CNBD1: variants seen among roughly 807,000 people sequenced by gnomAD.
CNBD1 encodes the protein cyclic nucleotide-binding domain-containing protein 1.
CNBD1 carries 71 observed loss-of-function variants against 54.4 expected under a neutral mutation model. The observed-to-expected ratio is 1.30, with a 90% CI of 1.08 to 1.59. CNBD1 has a LOEUF of 1.59. Among genes scored for constraint, CNBD1 ranks in the 40% most tolerant of loss-of-function variants. CNBD1 has a pLI of 0.00. For synonymous variants in CNBD1, 182 were observed against 170.7 expected, an observed-to-expected ratio of 1.07 and a Z score of -0.51; for missense variants, 659 against 518.0, an observed-to-expected ratio of 1.27 and a Z score of -2.64.
At chr8:87,077,170 A>G (rs536573347) in intron 4 of CNBD1, among the ~76,000 whole-genome samples, 53 of 152,300 alleles carry the variant, frequency 3.5e-4, no homozygotes, top group African/African-American at 1.2e-3. Context: ...GATCTTTTCA[A>G]TGTTGGAACT....
chr8:87,390,133 A>G (rs888548302), intron 2 of CNBD1, among the ~76,000 whole-genome samples: 43 of 151,772 alleles, frequency 2.8e-4, no homozygotes, highest in Non-Finnish European at 5.4e-4. Context: ...TAGACCTAAA[A>G]CCATAAAAAC....
intron 2 of CNBD1, among the ~76,000 whole-genome samples, chr8:87,410,467 A>G (rs1215534075): frequency 6.6e-6 from 1 of 152,156 alleles, no homozygotes; most frequent in East Asian, 1.9e-4. Flanking sequence ...AAATTGCTGC[A>G]ATTTCATAAT....
chr8:87,377,292 T>C (rs1810968364), intron 10 of CNBD1, among the ~76,000 whole-genome samples: 1 of 145,550 alleles, frequency 6.9e-6, no homozygotes, highest in Non-Finnish European at 1.5e-5. Context: ...CCCAATGCTA[T>C]CCCTCCCCCC....
intron 4 of CNBD1, among the ~76,000 whole-genome samples, chr8:86,995,587 A>T (rs1162654318): frequency 1.3e-5 from 2 of 152,164 alleles, no homozygotes; most frequent in Non-Finnish European, 2.9e-5. Context: ...TAAGGGGATT[A>T]TATACCAGAT....
chr8:87,388,664 C>G (rs1044828466), intron 2 of CNBD1, among the ~76,000 whole-genome samples: 2 of 152,116 alleles, frequency 1.3e-5, no homozygotes, highest in African/African-American at 4.8e-5. Context: ...CCGAATTCTA[C>G]CAGAGGTACA....
chr8:87,265,438 G>A (rs1252204963), intron 6 of CNBD1, among the ~76,000 whole-genome samples: 1 of 152,096 alleles, frequency 6.6e-6, no homozygotes, highest in African/African-American at 2.4e-5. Flanking sequence ...ATAGCGTGAT[G>A]CCTCCAGCTT....
At chr8:87,236,681 G>A (rs1244102603) in intron 5 of CNBD1, among the ~76,000 whole-genome samples, 1 of 152,038 alleles carries the variant, frequency 6.6e-6, no homozygotes, top group African/African-American at 2.4e-5. Flanking sequence ...AGTTCTGTGA[G>A]AGGATAGCTA....
intron 3 of CNBD1, among the ~76,000 whole-genome samples, chr8:86,928,819 TA>T (rs1809409265): frequency 6.6e-6 from 1 of 152,246 alleles, no homozygotes; most frequent in African/African-American, 2.4e-5. Context: ...TTTGGCCCTG[TA>T]AATAGGGATT....
At chr8:87,252,839 T>A (rs985584446) in intron 6 of CNBD1, among the ~76,000 whole-genome samples, 10 of 152,058 alleles carry the variant, frequency 6.6e-5, no homozygotes, top group African/African-American at 2.4e-4. Context: ...AGGGGTGGGA[T>A]GAGCTGCGTG....
chr8:87,354,918 C>A (rs1332126662), intron 10 of CNBD1, among the ~76,000 whole-genome samples: 1 of 152,130 alleles, frequency 6.6e-6, no homozygotes, highest in Admixed American at 6.5e-5. Context: ...TGGGTATAAA[C>A]CCAGTAATGG....
chr8:87,046,042 T>TAA (rs58214390), intron 4 of CNBD1, among the ~76,000 whole-genome samples: 3,002 of 71,230 alleles, frequency 0.042, 68 homozygotes, highest in Non-Finnish European at 0.046. Context: ...CTTCCTCTCA[T>TAA]AAAAAAAAAA....
rs537633587 is a variant in CNBD1 at position 87,218,085 on chromosome 8, A to G, written c.577+11947A>G. 3.5e-3 allele frequency among the ~76,000 whole-genome samples: 535 copies of G among 152,236 alleles called. 4 individuals carry two copies. Among genetic ancestry groups the G allele is most frequent in the African/African-American group, 0.012 (514 of 41,570 alleles). The stretch of plus-strand genomic sequence containing the variant: ...CCGAATACCTATGGGTGTAAGAACC[A>G]TAATACTTTCTTCAGGCATGTGGGG... On this transcript the variant is annotated intron_variant, in intron 5 of 10. Coordinates refer to ENST00000518476, the MANE Select transcript of CNBD1 (RefSeq NM_173538.3).
At chr8:87,374,408 AT>A (rs1810882122) in intron 10 of CNBD1, among the ~76,000 whole-genome samples, 1 of 151,902 alleles carries the variant, frequency 6.6e-6, no homozygotes, top group Non-Finnish European at 1.5e-5. Context: ...AAAATACCAC[AT>A]TTAAGATAGT....
intron 4 of CNBD1, among the ~76,000 whole-genome samples, chr8:87,006,206 G>T (rs531423451): frequency 6.6e-6 from 1 of 151,906 alleles, no homozygotes; most frequent in African/African-American, 2.4e-5. Context: ...CTCTAAATCG[G>T]GGGAAAAAAG....
chr8:87,353,670 T>G lies in CNBD1; in HGVS notation c.1187T>G (p.Leu396Arg). The G allele has an allele frequency of 1.2e-6, 2 of 1,601,840 alleles. No individual in the cohort carries two copies. The highest frequency in any genetic ancestry group is 8.5e-7 in the Non-Finnish European group (1 of 1,174,792). Residue 396 changes from leucine (L) to arginine (R), a missense_variant, in exon 10 of 11, where the codon CTT becomes CGT. Coordinates refer to ENST00000518476, the MANE Select transcript of CNBD1 (RefSeq NM_173538.3). ...RSQKLVYMGK[L>R]KEKESFGEIS... ...CAAAAACTTGTTTATATGGGGAAAC[T>G]TAAGGAGAAGGAGTCCTTTGGTGAG...
chr8:87,374,406 A>T (rs1272739628), intron 10 of CNBD1, among the ~76,000 whole-genome samples: 1 of 151,892 alleles, frequency 6.6e-6, no homozygotes, highest in African/African-American at 2.4e-5. Context: ...AAAAAATACC[A>T]CATTTAAGAT....
chr8:86,991,983 T>C (rs573445602), intron 4 of CNBD1, among the ~76,000 whole-genome samples: 3 of 152,280 alleles, frequency 2.0e-5, no homozygotes, highest in Non-Finnish European at 4.4e-5. Flanking sequence ...GAATGTATAT[T>C]ATGTGATTGT....
chr8:87,253,820 A>T (rs1022032385), intron 6 of CNBD1, among the ~76,000 whole-genome samples: 1 of 152,194 alleles, frequency 6.6e-6, no homozygotes, highest in East Asian at 1.9e-4. Flanking sequence ...AAACAACAAC[A>T]AAACATTAAA....
At chr8:87,306,511 T>A (rs987398878) in intron 8 of CNBD1, among the ~76,000 whole-genome samples, 3 of 152,168 alleles carry the variant, frequency 2.0e-5, no homozygotes, top group African/African-American at 7.2e-5. Flanking sequence ...TGCCCATCAA[T>A]CAATGAGTGG....
Sources: allele counts gnomAD v4.1 joint callset (sites outside exome capture counted in the v4.1 genomes callset), GRCh38; gene constraint gnomAD v4.1.1; transcripts MANE v1.5; gene names NCBI Gene and HGNC (gene_info 2026-07-23, HGNC 2026-07-21).